The following DOCK8 variants were observed in gnomAD, a reference collection of about 807,000 sequenced individuals.
The protein encoded by DOCK8 is dedicator of cytokinesis 8.
In DOCK8, 141 loss-of-function variants were observed where a neutral mutation model predicts 245.6. The observed-to-expected ratio is 0.57, with a 90% CI of 0.50 to 0.66. DOCK8 has a LOEUF of 0.66. Among genes scored for constraint, DOCK8 ranks in the 30% least tolerant of loss-of-function variants. DOCK8 has a pLI of 0.00. For synonymous variants in DOCK8, 1,168 were observed against 970.2 expected (o/e 1.20, Z -3.79); for missense variants, 2,965 against 2,603.4 (o/e 1.14, Z -3.02).
intron 33 of DOCK8, 142 bp from the exon 34 acceptor site, chr9:426,743 G>T: frequency 1.4e-6 from 1 of 716,420 alleles, no homozygotes; most frequent in South Asian, 1.5e-5. Flanking sequence ...CTGCACTGTA[G>T]TTACTCAGGG....
At chr9:362,213 C>T (rs187318132) in intron 14 of DOCK8, among the ~76,000 whole-genome samples, 1 of 152,314 alleles carries the variant, frequency 6.6e-6, no homozygotes, top group Admixed American at 6.5e-5. Flanking sequence ...TTTAGCTTAC[C>T]AGTACCAGGA....
intron 14 of DOCK8, among the ~76,000 whole-genome samples, chr9:349,252 A>C (rs1301765292): frequency 1.3e-5 from 2 of 152,260 alleles, no homozygotes; most frequent in Non-Finnish European, 2.9e-5. Context: ...TGTCTTTTAT[A>C]GTTAAAAGAT....
chr9:403,532 T>C (rs1184522512), intron 26 of DOCK8, among the ~76,000 whole-genome samples: 1 of 152,178 alleles, frequency 6.6e-6, no homozygotes, highest in Non-Finnish European at 1.5e-5. Flanking sequence ...CTGTAGGCAA[T>C]ATGTCCCACA....
At chr9:259,206 G>C (rs2047857150) in intron 1 of DOCK8, among the ~76,000 whole-genome samples, 1 of 152,064 alleles carries the variant, frequency 6.6e-6, no homozygotes. Context: ...AGGGGACTGA[G>C]GTAGGAGGAT....
chr9:422,002 G>T, intron 32 of DOCK8, 46 bp from the exon 33 acceptor site: 1 of 1,491,170 alleles, frequency 6.7e-7, no homozygotes, highest in Non-Finnish European at 9.4e-7. Context: ...TATCTTGGAG[G>T]GTTTCATGCT....
intron 46 of DOCK8, 53 bp from the exon 47 acceptor site, chr9:463,464 T>G (rs2057868685): frequency 6.2e-7 from 1 of 1,602,056 alleles, no homozygotes; most frequent in Admixed American, 1.7e-5. Flanking sequence ...GTTCTCAGAT[T>G]TCTAAGCACT....
chr9:429,293 A>G (rs1328006438), intron 35 of DOCK8, among the ~76,000 whole-genome samples: 1 of 152,152 alleles, frequency 6.6e-6, no homozygotes, highest in African/African-American at 2.4e-5. Flanking sequence ...GAAGATCTCA[A>G]TTGGTGCCTT....
intron 13 of DOCK8, 57 bp from the exon 14 acceptor site, chr9:340,102 G>A (rs539500637): frequency 1.9e-4 from 300 of 1,578,146 alleles, no homozygotes; most frequent in South Asian, 6.9e-4. Context: ...AATCTTTCTT[G>A]ATTCCCTCAT....
At chr9:340,871 A>T (rs1484286380) in intron 14 of DOCK8, among the ~76,000 whole-genome samples, 1 of 152,048 alleles carries the variant, frequency 6.6e-6, no homozygotes, top group Non-Finnish European at 1.5e-5. Flanking sequence ...TAGTGGACAT[A>T]TGTTTTCCAG....
intron 15 of DOCK8, chr9:368,896 T>G (rs1645112574): frequency 6.9e-6 from 1 of 145,214 alleles, no homozygotes; most frequent in Admixed American, 7.2e-5. Context: ...AACCTCCACC[T>G]CCCAAGTTCA....
At chr9:400,884 C>T (rs1233498648) in intron 26 of DOCK8, among the ~76,000 whole-genome samples, 1 of 106,448 alleles carries the variant, frequency 9.4e-6, no homozygotes, top group African/African-American at 5.1e-5. Context: ...ACCACCTCCA[C>T]CACCACCACC....
chr9:215,060 G>A (rs141134256), intron 1 of DOCK8, 31 bp downstream of exon 1: 7 of 1,552,678 alleles, frequency 4.5e-6, no homozygotes, highest in Non-Finnish European at 5.2e-6. Context: ...CGCAGGTTGC[G>A]GCCGGACAGC....
chr9:315,715 T>C (rs895528201), intron 6 of DOCK8, among the ~76,000 whole-genome samples: 11 of 152,238 alleles, frequency 7.2e-5, no homozygotes, highest in African/African-American at 2.7e-4. Flanking sequence ...TTGAACTTGT[T>C]GAAGCTAGAT....
At chr9:461,968 C>CTT (rs375510970) in intron 46 of DOCK8, among the ~76,000 whole-genome samples, 1 of 143,948 alleles carries the variant, frequency 6.9e-6, no homozygotes, top group Non-Finnish European at 1.5e-5. Context: ...TATTTATTTT[C>CTT]TTTTTTTTTT....
intron 22 of DOCK8, among the ~76,000 whole-genome samples, chr9:384,821 C>G (rs1330054323): frequency 6.6e-6 from 1 of 152,148 alleles, no homozygotes; most frequent in African/African-American, 2.4e-5. Flanking sequence ...GAGGCTGAGG[C>G]AGGAGAATGG....
At chr9:442,301 T>C (rs1256707116) in intron 42 of DOCK8, among the ~76,000 whole-genome samples, 1 of 152,264 alleles carries the variant, frequency 6.6e-6, no homozygotes, top group Non-Finnish European at 1.5e-5. Context: ...ATCAAGGTCA[T>C]GTGCTTTCTT....
chr9:254,058 T>C (rs1246041904), intron 1 of DOCK8, among the ~76,000 whole-genome samples: 1 of 152,242 alleles, frequency 6.6e-6, no homozygotes, highest in African/African-American at 2.4e-5. Context: ...CTTTTCCTTA[T>C]GTGTCTAATA....
chr9:228,956 T>C (rs2047046589), intron 1 of DOCK8, among the ~76,000 whole-genome samples: 1 of 152,178 alleles, frequency 6.6e-6, no homozygotes, highest in African/African-American at 2.4e-5. Flanking sequence ...TCTCTTGTTG[T>C]TCAGAAACCT....
chr9:411,671 A>T (rs2055737644), intron 28 of DOCK8, among the ~76,000 whole-genome samples: 1 of 152,180 alleles, frequency 6.6e-6, no homozygotes, highest in Admixed American at 6.6e-5. Context: ...TATCTGATGA[A>T]TATAGATGTA....
Sources: allele counts gnomAD v4.1 joint callset (sites outside exome capture counted in the v4.1 genomes callset), GRCh38; gene constraint gnomAD v4.1.1; transcripts MANE v1.5; gene names NCBI Gene and HGNC (gene_info 2026-07-23, HGNC 2026-07-21).